The following LPCAT1 variants were observed in gnomAD, a reference collection of about 807,000 sequenced individuals.
LPCAT1 encodes the protein 1-acylglycerol-3-phosphate O-acyltransferase.
LPCAT1 carries 23 observed loss-of-function variants against 60.9 expected under a neutral mutation model. The ratio of observed to expected loss-of-function variants is 0.38; its 90% CI spans 0.27 to 0.53. The LOEUF (loss-of-function observed/expected upper bound fraction) is 0.53, where lower values mean the gene tolerates loss of function less well. LPCAT1 is among the 20% of genes least tolerant of loss of function. The probability of loss-of-function intolerance (pLI) is 0.82; values close to 1 mark genes in which losing one functional copy is unlikely to be tolerated. For missense variants in LPCAT1, 622 were observed against 723.6 expected (o/e 0.86, Z 1.61); for synonymous variants, 340 against 301.1 (o/e 1.13, Z -1.34).
rs538788047 is a variant in LPCAT1, at chr5:1,495,663, G to A, written c.279-749C>T. On this transcript the variant is annotated intron_variant, in intron 2 of 13. Transcript: ENST00000283415. The surrounding 1 kb of genome is among the most constrained non-coding windows in gnomAD (Gnocchi z 4.7). ...CGCAGCAGACAGCCACGGTGTGTGA[G>A]AAGCCACAGGTCAGGCACACAGAGA... Among the ~76,000 whole-genome samples the A allele has an allele frequency of 1.3e-5, 2 of 152,320 alleles. No homozygotes were observed. The highest frequency in any genetic ancestry group is 3.9e-4 in the East Asian group (2 of 5,186).
intron 1 of LPCAT1, among the ~76,000 whole-genome samples, chr5:1,514,187 G>A (rs1736436641): frequency 6.6e-6 from 1 of 152,210 alleles, no homozygotes; most frequent in Non-Finnish European, 1.5e-5. Flanking sequence ...CTTTGTCCTC[G>A]AGGCCGAGGG....
chr5:1,492,170 GAAA>G (rs1735610443), intron 3 of LPCAT1, among the ~76,000 whole-genome samples: 1 of 152,034 alleles, frequency 6.6e-6, no homozygotes, highest in African/African-American at 2.4e-5. Flanking sequence ...CTCTGAGCTG[GAAA>G]CCTGGGAGAT....
At chr5:1,479,709 T>C (rs759983251) in intron 7 of LPCAT1, 34 bp from the exon 8 acceptor site, 12 of 1,554,296 alleles carry the variant, frequency 7.7e-6, no homozygotes, top group South Asian at 3.4e-5. Flanking sequence ...TGAGCAGATT[T>C]ACAACTCGGG....
Position 1,481,119 on chromosome 5 carries a change from T to G in LPCAT1, c.727-143A>C. 1.9e-6 allele frequency: 2 copies of G among 1,030,474 alleles called. No individual in the cohort carries two copies. Among genetic ancestry groups the G allele is most frequent in the Non-Finnish European group, 3.0e-6 (2 of 677,674 alleles). The allele number at this position is 1,030,474 out of a possible 1,614,324, so 63.8% of individuals were successfully genotyped here. A position where few individuals can be genotyped will look rare whatever the true frequency, so the allele number is the denominator to read the frequency against. ...GGGGAAGGGAGGAGGGTGCTAGAGC[T>G]CCAGCTTCCCAGAGTCCCTGAGGAT... is the stretch of plus-strand genomic sequence containing the variant. On this transcript the variant is annotated intron_variant, in intron 6 of 13. Transcript: ENST00000283415. This position sits in a 1 kb window ranked among gnomAD's most constrained non-coding sequence, Gnocchi z 7.8.
intron 1 of LPCAT1, among the ~76,000 whole-genome samples, chr5:1,510,429 C>T (rs1736322070): frequency 6.6e-6 from 1 of 152,236 alleles, no homozygotes; most frequent in Admixed American, 6.5e-5. Flanking sequence ...CTCTTGCCTG[C>T]GAGATGACAG....
rs910320895 is a variant in LPCAT1 at position 1,476,258 on chromosome 5, C to G, written c.899+1146G>C. On this transcript the variant is annotated intron_variant, in intron 9 of 13. Coordinates refer to ENST00000283415, the MANE Select transcript of LPCAT1 (RefSeq NM_024830.5). The surrounding 1 kb of genome is among the most constrained non-coding windows in gnomAD (Gnocchi z 8.6). Reference sequence around the variant, plus strand: ...CTGGGCTTGGAGGTGGGAATGCATTCCCCTGGCTCGGCGCCTACTCAGCTT... The same window carrying G: ...CTGGGCTTGGAGGTGGGAATGCATTGCCCTGGCTCGGCGCCTACTCAGCTT... Among the ~76,000 whole-genome samples, 1 of 152,152 alleles carries G rather than the reference C, an allele frequency of 6.6e-6. No homozygotes were observed. Among genetic ancestry groups the G allele is most frequent in the Admixed American group, 6.5e-5 (1 of 15,270 alleles).
At chr5:1,491,538 G>A (rs148408916) in intron 3 of LPCAT1, among the ~76,000 whole-genome samples, 2 of 152,326 alleles carry the variant, frequency 1.3e-5, no homozygotes, top group East Asian at 3.9e-4. Flanking sequence ...GTCTTGGGCC[G>A]TGCGTCTTCA....
rs1246461658 is a variant in LPCAT1, at chr5:1,463,799, A to G, written c.1457T>C (p.Phe486Ser). Residue 486 changes from phenylalanine (F) to serine (S), a missense_variant, in exon 14 of 14, where the codon TTC becomes TCC. By Grantham distance (155) the Phe-to-Ser change is radical (BLOSUM62 -2). Around this residue, in one of 3 missense-constraint regions of LPCAT1, gnomAD observed 288 missense variants for 283.6 expected, o/e 1.02. Transcript: ENST00000283415. ...FHRFAEMYPA[F>S]AEEYLYPDQT... ...ATCCGGGTACAGGTATTCCTCTGCG[A>G]AGGCAGGGTACATTTCTGCAAACCT... is the stretch of plus-strand genomic sequence containing the variant. The G allele has an allele frequency of 6.2e-7, 1 of 1,614,238 alleles. No individual in the cohort carries two copies. Among genetic ancestry groups the G allele is most frequent in the Admixed American group, 1.7e-5 (1 of 60,038 alleles).
intron 8 of LPCAT1, among the ~76,000 whole-genome samples, chr5:1,478,639 C>T (rs1488103791): frequency 6.6e-6 from 1 of 152,164 alleles, no homozygotes; most frequent in Non-Finnish European, 1.5e-5. Flanking sequence ...CAGCCCAGTC[C>T]TCTGTAATGA....
At chr5:1,493,532 G>A (rs370899695) in intron 3 of LPCAT1, among the ~76,000 whole-genome samples, 244 of 152,364 alleles carry the variant, frequency 1.6e-3, no homozygotes, top group African/African-American at 5.7e-3. Flanking sequence ...CATAGGCGAC[G>A]CCCCTCGTCC....
Position 1,481,617 on chromosome 5 carries a change from T to C in LPCAT1, c.727-641A>G, listed in dbSNP as rs1396404667. ...TAGTGCTTCTTGGTGCATCCAGTAA[T>C]AGTGTGTTGCTTTAAACACACTGAT... On this transcript the variant is annotated intron_variant, in intron 6 of 13. Transcript: ENST00000283415. This position sits in a 1 kb window ranked among gnomAD's most constrained non-coding sequence, Gnocchi z 7.8. Among the ~76,000 whole-genome samples, 1 of 152,270 alleles carries C rather than the reference T, an allele frequency of 6.6e-6. No homozygotes were observed. Among genetic ancestry groups the C allele is most frequent in the Non-Finnish European group, 1.5e-5 (1 of 68,046 alleles).
At chr5:1,478,175 C>T (rs1324001350) in intron 8 of LPCAT1, among the ~76,000 whole-genome samples, 4 of 152,290 alleles carry the variant, frequency 2.6e-5, no homozygotes, top group Non-Finnish European at 5.9e-5. Flanking sequence ...GTGAATTTGT[C>T]CTTGCCTGAG....
chr5:1,501,170 G>A (rs1224129648), intron 2 of LPCAT1, among the ~76,000 whole-genome samples: 5 of 152,202 alleles, frequency 3.3e-5, no homozygotes, highest in South Asian at 2.1e-4. Flanking sequence ...AGAAGGCTAC[G>A]GTGTAGGGGG....
Position 1,483,329 on chromosome 5 carries a change from G to A in LPCAT1, c.726+99C>T. The A allele has an allele frequency of 3.2e-6, 4 of 1,245,018 alleles. No individual in the cohort carries two copies. Among genetic ancestry groups the A allele is most frequent in the Non-Finnish European group, 4.7e-6 (4 of 846,090 alleles). 77.1% of individuals were successfully genotyped at this position (1,245,018 alleles called of 1,614,324 possible). A position where few individuals can be genotyped will look rare whatever the true frequency, so the allele number is the denominator to read the frequency against. ...AGTGTGGGCTGTGGCGCAGATAAAG[G>A]GTGTGGAGAGACAGAGACACAGGTG... is the stretch of plus-strand genomic sequence containing the variant. On this transcript the variant is annotated intron_variant, in intron 6 of 13. Coordinates refer to ENST00000283415, the MANE Select transcript of LPCAT1 (RefSeq NM_024830.5). The surrounding 1 kb of genome is among the most constrained non-coding windows in gnomAD (Gnocchi z 9.2).
Position 1,474,633 on chromosome 5 carries a change from G to A in LPCAT1, c.952C>T (p.Leu318=). 6.2e-7 allele frequency: 1 copy of A among 1,613,990 alleles called. No individual in the cohort carries two copies. The highest frequency in any genetic ancestry group is 1.1e-5 in the South Asian group (1 of 91,064). The change falls in exon 10 of 14, where the codon CTG becomes TTG. Residue 318 remains leucine, a synonymous_variant. Coordinates refer to ENST00000283415, the MANE Select transcript of LPCAT1 (RefSeq NM_024830.5). ...GGGAGACGGAGCTGTCCTTCCGCCA[G>A]GGCCAGCTGGCAGTCCTCGAACGTG... ...DYTFEDCQLA[L]AEGQLRLPAD...
intron 2 of LPCAT1, among the ~76,000 whole-genome samples, chr5:1,500,666 C>T (rs1373224151): frequency 6.6e-6 from 1 of 152,212 alleles, no homozygotes; most frequent in African/African-American, 2.4e-5. Context: ...GGAGCAGGCC[C>T]ACTGGCCGGA....
chr5:1,511,617 G>A (rs13169395), intron 1 of LPCAT1, among the ~76,000 whole-genome samples: 4 of 151,730 alleles, frequency 2.6e-5, no homozygotes, highest in African/African-American at 7.3e-5. Flanking sequence ...CTCACCTTAC[G>A]TGGGGATGCA....
At chr5:1,494,452 A>C (rs1735703802) in intron 3 of LPCAT1, among the ~76,000 whole-genome samples, 3 of 142,514 alleles carry the variant, frequency 2.1e-5, no homozygotes, top group Non-Finnish European at 3.0e-5. Context: ...GGAGGGTCTC[A>C]CTCATTTCCA....
At chr5:1,506,637 G>C (rs1050149099) in intron 1 of LPCAT1, among the ~76,000 whole-genome samples, 2 of 152,250 alleles carry the variant, frequency 1.3e-5, no homozygotes, top group Non-Finnish European at 2.9e-5. Flanking sequence ...GTGGCCAAGG[G>C]AGGTGCTGGG....
Sources: allele counts gnomAD v4.1 joint callset (sites outside exome capture counted in the v4.1 genomes callset), GRCh38; gene constraint gnomAD v4.1.1; regional missense constraint gnomAD v4.1.1; non-coding constraint Gnocchi (gnomAD v3.1); transcripts MANE v1.5; gene names NCBI Gene and HGNC (gene_info 2026-07-23, HGNC 2026-07-21).